The following PCDHGA2 variants were observed in gnomAD, a reference collection of about 807,000 sequenced individuals.
The protein encoded by PCDHGA2 is protocadherin gamma-A2.
In PCDHGA2, 40 loss-of-function variants were observed where a neutral mutation model predicts 59.2. The observed-to-expected ratio is 0.68, with a 90% confidence interval of 0.52 to 0.88. The LOEUF (loss-of-function observed/expected upper bound fraction) is 0.88. PCDHGA2 is among the 40% of genes least tolerant of loss of function. The probability of loss-of-function intolerance (pLI) is 0.00; values close to 1 mark genes in which losing one functional copy is unlikely to be tolerated. For missense variants in PCDHGA2, 1,226 were observed against 1,204.0 expected, an observed-to-expected ratio of 1.02 and a Z score of -0.27; for synonymous variants, 560 against 526.0, an observed-to-expected ratio of 1.06 and a Z score of -0.89.
chr5:141,413,682 C>G, intron 1 of PCDHGA2: 1 of 1,613,798 alleles, frequency 6.2e-7, no homozygotes, highest in South Asian at 1.1e-5. Context: ...TGGGCGTGAA[C>G]TCCCTGCAGA....
chr5:141,372,607 G>A, intron 1 of PCDHGA2: 1 of 1,614,000 alleles, frequency 6.2e-7, no homozygotes, highest in South Asian at 1.1e-5. Context: ...ACTGTACCTG[G>A]AGTTCTCCCC....
chr5:141,350,479 C>T (rs376831132), intron 1 of PCDHGA2: 1 of 1,613,916 alleles, frequency 6.2e-7, no homozygotes, highest in Non-Finnish European at 8.5e-7. Flanking sequence ...ATTATTTCAA[C>T]GTTAGTTTGG....
intron 1 of PCDHGA2, chr5:141,403,280 G>GT: frequency 6.2e-7 from 1 of 1,613,894 alleles, no homozygotes; most frequent in Non-Finnish European, 8.5e-7. Flanking sequence ...TAAAGTCCTG[G>GT]TTGAAGACAG....
chr5:141,377,635 A>G (rs561038965), intron 1 of PCDHGA2: 1 of 151,932 alleles, frequency 6.6e-6, no homozygotes, highest in African/African-American at 2.4e-5. Flanking sequence ...GTTTTTTCTC[A>G]GTGTTACTTG....
At chr5:141,372,662 T>C in intron 1 of PCDHGA2, 1 of 1,614,056 alleles carries the variant, frequency 6.2e-7, no homozygotes, top group Non-Finnish European at 8.5e-7. Context: ...ATCCGTGTGC[T>C]GCCTCACATT....
intron 1 of PCDHGA2, chr5:141,415,585 C>T: frequency 6.2e-7 from 1 of 1,613,900 alleles, no homozygotes; most frequent in Non-Finnish European, 8.5e-7. Context: ...TTCGAAGTTT[C>T]CTATAGAGGA....
chr5:141,510,994 G>A lies in PCDHGA2; in HGVS notation c.2620G>A (p.Gly874Arg). ...CCTGGGAGGGGGTGCCGGCACCATG[G>A]GATTGAGCGCCCGCTACGGACCCCA... ...STLGGGAGTM[G>R]LSARYGPQFT... The change falls in exon 4 of 4, where the codon GGA becomes AGA. Residue 874 changes from glycine to arginine, a missense_variant. Physicochemically the swap from Gly to Arg is moderately radical, Grantham distance 125 (BLOSUM62 -2). Transcript: ENST00000394576. 1 of 1,614,168 alleles carries A rather than the reference G, an allele frequency of 6.2e-7. No homozygotes were observed. Among genetic ancestry groups the A allele is most frequent in the Non-Finnish European group, 8.5e-7 (1 of 1,180,022 alleles).
In PCDHGA2 at chr5:141,429,386, T is replaced by A. The variant is rs534045300; in HGVS notation, c.2425-65421T>A. Among the ~76,000 whole-genome samples the A allele has an allele frequency of 4.0e-3, 602 of 151,936 alleles. 6 individuals carry two copies. The highest frequency in any genetic ancestry group is 0.011 in the Admixed American group (171 of 15,268). On this transcript the variant is annotated intron_variant, in intron 1 of 3. Coordinates refer to ENST00000394576, the MANE Select transcript of PCDHGA2 (RefSeq NM_018915.4). ...AAAATGGAGAAAATGTGTTTTTTTTTTAAAAAAAATTGAGATTAAGGTCTC... is the reference window on the plus strand; with the variant it reads ...AAAATGGAGAAAATGTGTTTTTTTTATAAAAAAAATTGAGATTAAGGTCTC...
At chr5:141,378,078 T>A (rs1215089288) in intron 1 of PCDHGA2, 2 of 152,178 alleles carry the variant, frequency 1.3e-5, no homozygotes, top group African/African-American at 4.8e-5. Context: ...GAAAATAATT[T>A]TATAACTTTT....
chr5:141,418,324 G>A, intron 1 of PCDHGA2: 2 of 1,614,006 alleles, frequency 1.2e-6, no homozygotes, highest in Non-Finnish European at 1.7e-6. Context: ...CAATTCTTGA[G>A]TCTGCAGAAG....
chr5:141,408,624 A>G, intron 1 of PCDHGA2: 1 of 1,614,016 alleles, frequency 6.2e-7, no homozygotes, highest in Non-Finnish European at 8.5e-7. Flanking sequence ...ATACATTTAG[A>G]AATTTTCGAA....
At chr5:141,349,565 A>G (rs1477069381) in intron 1 of PCDHGA2, among the ~76,000 whole-genome samples, 1 of 152,226 alleles carries the variant, frequency 6.6e-6, no homozygotes, top group Non-Finnish European at 1.5e-5. Context: ...CATAATAGTA[A>G]GGCTGTGATT....
In PCDHGA2 at chr5:141,431,985, T is replaced by A. The variant is rs1354693325; in HGVS notation, c.2425-62822T>A. 1 of 1,614,202 alleles carries A rather than the reference T, an allele frequency of 6.2e-7. No homozygotes were observed. The highest frequency in any genetic ancestry group is 1.7e-5 in the Admixed American group (1 of 60,030). ...TACTATAGTTTAGTCACAGACATAG[T>A]CTTGGATAGGGAACAGGTTCCTAGC... On this transcript the variant is annotated intron_variant, in intron 1 of 3. Coordinates refer to ENST00000394576, the MANE Select transcript of PCDHGA2 (RefSeq NM_018915.4). This position sits in a 1 kb window ranked among gnomAD's most constrained non-coding sequence, Gnocchi z 4.8.
At chr5:141,350,682 A>T (rs758070807) in intron 1 of PCDHGA2, 17 of 1,613,888 alleles carry the variant, frequency 1.1e-5, no homozygotes, top group Non-Finnish European at 1.4e-5. Context: ...GAAATTTGTG[A>T]GTCAGCCTTA....
intron 1 of PCDHGA2, chr5:141,399,982 A>C: frequency 6.2e-7 from 1 of 1,612,330 alleles, no homozygotes; most frequent in Non-Finnish European, 8.5e-7. Context: ...GGGGCTGCGC[A>C]CAGGAGAGGT....
intron 3 of PCDHGA2, among the ~76,000 whole-genome samples, chr5:141,509,069 G>A (rs1463164307): frequency 2.6e-5 from 4 of 152,174 alleles, no homozygotes; most frequent in African/African-American, 9.7e-5. Context: ...CTCAGCTCCG[G>A]GGATTTGCGA....
chr5:141,471,042 C>G (rs2099247416), intron 1 of PCDHGA2, among the ~76,000 whole-genome samples: 1 of 139,088 alleles, frequency 7.2e-6, no homozygotes, highest in South Asian at 2.3e-4. Flanking sequence ...CAAGCCCAAG[C>G]CCTCTTTTTT....
At chr5:141,456,020 C>A (rs2098840631) in intron 1 of PCDHGA2, among the ~76,000 whole-genome samples, 2 of 151,952 alleles carry the variant, frequency 1.3e-5, no homozygotes, top group South Asian at 4.2e-4. Flanking sequence ...GCCTCAGCCT[C>A]CCGAGTAGCT....
At position 141,477,530 on chromosome 5, in the gene PCDHGA2, C is replaced by A; in HGVS notation, c.2425-17277C>A. The A allele has an allele frequency of 6.2e-7, 1 of 1,614,186 alleles. No homozygotes were observed. The highest frequency in any genetic ancestry group is 1.1e-5 in the South Asian group (1 of 91,082). ...CGTTTACATTGAAGAAAACAACCTCCCCGGGGCTCCAATACTAAACCTAAG... is the reference window on the plus strand; with the variant it reads ...CGTTTACATTGAAGAAAACAACCTCACCGGGGCTCCAATACTAAACCTAAG... On this transcript the variant is annotated intron_variant, in intron 1 of 3. Coordinates refer to ENST00000394576, the MANE Select transcript of PCDHGA2 (RefSeq NM_018915.4). The surrounding 1 kb of genome is among the most constrained non-coding windows in gnomAD (Gnocchi z 4.9).
Sources: allele counts gnomAD v4.1 joint callset (sites outside exome capture counted in the v4.1 genomes callset), GRCh38; gene constraint gnomAD v4.1.1; non-coding constraint Gnocchi (gnomAD v3.1); transcripts MANE v1.5; gene names NCBI Gene and HGNC (gene_info 2026-07-23, HGNC 2026-07-21).